The following GPATCH2L variants were observed in gnomAD, a reference collection of about 807,000 sequenced individuals.
GPATCH2L encodes G patch domain-containing protein 2-like.
In GPATCH2L, 31 loss-of-function variants were observed where a neutral mutation model predicts 57.4. The observed-to-expected ratio is 0.54, with a 90% confidence interval of 0.41 to 0.73. GPATCH2L has a LOEUF of 0.73. Ranked by LOEUF, GPATCH2L falls within the 30% of genes least tolerant of loss-of-function variation. The pLI is 0.00. For missense variants in GPATCH2L, 481 were observed against 599.9 expected (o/e 0.80, Z 2.07); for synonymous variants, 199 against 210.7 (o/e 0.94, Z 0.48).
Position 76,206,999 on chromosome 14 carries a change from G to C in GPATCH2L, c.*5148G>C, listed in dbSNP as rs1453353876. 6.6e-6 allele frequency: 1 copy of C among 152,128 alleles called. No individual in the cohort carries two copies. Among genetic ancestry groups the C allele is most frequent in the African/African-American group, 2.4e-5 (1 of 41,424 alleles). 9.4% of individuals were successfully genotyped at this position (152,128 alleles called of 1,614,324 possible). A position where few individuals can be genotyped will look rare whatever the true frequency, so the allele number is the denominator to read the frequency against. On this transcript the variant is annotated 3_prime_UTR_variant, in exon 10 of 10. Transcript: ENST00000261530. ...AGGATGCTATCAAGGGCTATGTTTA[G>C]GTGGATGGAAATAACCTTTTGAAAA...
At chr14:76,194,328 A>G (rs1244130496) in intron 8 of GPATCH2L, among the ~76,000 whole-genome samples, 1 of 152,190 alleles carries the variant, frequency 6.6e-6, no homozygotes, top group Non-Finnish European at 1.5e-5. Context: ...GGTGCTTTGG[A>G]TGGAATTTTC....
At chr14:76,176,733 G>T in intron 6 of GPATCH2L, 43 bp downstream of exon 6, 1 of 1,319,914 alleles carries the variant, frequency 7.6e-7, no homozygotes, top group South Asian at 1.2e-5. Context: ...TCTGCTCCTT[G>T]GAGGAGGAGG....
chr14:76,172,957 A>G (rs1428295545), intron 4 of GPATCH2L, among the ~76,000 whole-genome samples: 2 of 152,196 alleles, frequency 1.3e-5, no homozygotes, highest in Non-Finnish European at 2.9e-5. Flanking sequence ...TTTCTAATGG[A>G]CCACTTAAAA....
chr14:76,175,012 A>G (rs1364503829), intron 5 of GPATCH2L: 2 of 152,220 alleles, frequency 1.3e-5, no homozygotes, highest in Non-Finnish European at 2.9e-5. Context: ...TTTACAGACA[A>G]AACGCTGCTT....
Position 76,234,385 on chromosome 14 carries a change from A to G in GPATCH2L, c.*117+4432A>G, listed in dbSNP as rs868255736. 2.0e-5 allele frequency: 3 copies of G among 152,184 alleles called. No homozygotes were observed. The South Asian group carries it at 6.2e-4, about 32-fold the overall frequency. 9.4% of individuals were successfully genotyped at this position (152,184 alleles called of 1,614,324 possible). A position where few individuals can be genotyped will look rare whatever the true frequency, so the allele number is the denominator to read the frequency against. Reference sequence around the variant, plus strand: ...GGGGTCTACAGCTTTGTGTAATCCCATCCCCTTGGCTGTGGCTTGCCTCTA... The same window carrying G: ...GGGGTCTACAGCTTTGTGTAATCCCGTCCCCTTGGCTGTGGCTTGCCTCTA... On this transcript the variant is annotated intron_variant and NMD_transcript_variant, in intron 2 of 3. Transcript: ENST00000556372.
At position 76,202,725 on chromosome 14, in the gene GPATCH2L, A is replaced by G. The variant is rs2040330509; in HGVS notation, c.*874A>G. On this transcript the variant is annotated 3_prime_UTR_variant, in exon 10 of 10. Transcript: ENST00000261530. ...AACCTGCAGCAGAAATTCATACTCTATTATAATAATGGCTTCTTGGGGCCA... is the reference window on the plus strand; with the variant it reads ...AACCTGCAGCAGAAATTCATACTCTGTTATAATAATGGCTTCTTGGGGCCA... 1 of 152,648 alleles carries G rather than the reference A, an allele frequency of 6.6e-6. No individual in the cohort carries two copies. Among genetic ancestry groups the G allele is most frequent in the Admixed American group, 6.5e-5 (1 of 15,284 alleles). 9.5% of individuals were successfully genotyped at this position (152,648 alleles called of 1,614,324 possible). A position where few individuals can be genotyped will look rare whatever the true frequency, so the allele number is the denominator to read the frequency against.
intron 1 of GPATCH2L, among the ~76,000 whole-genome samples, chr14:76,219,570 T>A (rs1380363557): frequency 6.6e-6 from 1 of 152,150 alleles, no homozygotes; most frequent in Non-Finnish European, 1.5e-5. Context: ...TATCTATACA[T>A]GTGAAATAAC....
chr14:76,198,098 T>C, intron 9 of GPATCH2L, among the ~76,000 whole-genome samples: 1 of 5,632 alleles, frequency 1.8e-4, no homozygotes, highest in African/African-American at 2.2e-4. Context: ...AGACTGTAAA[T>C]GACCATAGGT....
At chr14:76,226,704 G>A (rs1384122189) in intron 1 of GPATCH2L, among the ~76,000 whole-genome samples, 3 of 152,208 alleles carry the variant, frequency 2.0e-5, no homozygotes, top group Non-Finnish European at 4.4e-5. Flanking sequence ...TCCGCTGTGT[G>A]AGGATGCAGC....
intron 3 of GPATCH2L, among the ~76,000 whole-genome samples, chr14:76,171,515 G>A (rs528016303): frequency 2.6e-4 from 39 of 152,014 alleles, no homozygotes; most frequent in African/African-American, 8.7e-4. Context: ...GAGGGGAGGC[G>A]GAGGTTACAG....
At chr14:76,152,519 T>C in intron 1 of GPATCH2L, 1 of 380,352 alleles carries the variant, frequency 2.6e-6, no homozygotes, top group Middle Eastern at 3.8e-4. Context: ...TCTCTCTTCT[T>C]ACTTGCTGTC....
Position 76,203,494 on chromosome 14 carries a change from G to A in GPATCH2L, c.*1643G>A, listed in dbSNP as rs1281868917. 1 of 152,612 alleles carries A rather than the reference G, an allele frequency of 6.6e-6. No individual in the cohort carries two copies. The highest frequency in any genetic ancestry group is 6.5e-5 in the Admixed American group (1 of 15,286). The allele number at this position is 152,612 out of a possible 1,614,324, so 9.5% of individuals were successfully genotyped here. ...TCATGCAGTAGTGTGGGAGAGTGCT[G>A]AAGCCGGCCCAGCATGCCTCTTAGT... On this transcript the variant is annotated 3_prime_UTR_variant, in exon 10 of 10. Transcript: ENST00000261530.
chr14:76,193,145 A>G (rs1183908443), intron 8 of GPATCH2L, among the ~76,000 whole-genome samples: 2 of 152,204 alleles, frequency 1.3e-5, no homozygotes, highest in Non-Finnish European at 2.9e-5. Flanking sequence ...ACTTATTCTC[A>G]GTTTGCTAAA....
intron 2 of GPATCH2L, among the ~76,000 whole-genome samples, chr14:76,162,245 A>G (rs554222052): frequency 9.9e-5 from 15 of 152,240 alleles, no homozygotes; most frequent in African/African-American, 3.6e-4. Context: ...GGCAGAGCTC[A>G]TTTCCTCATA....
At chr14:76,227,298 C>T (rs566297751) in intron 1 of GPATCH2L, among the ~76,000 whole-genome samples, 1 of 152,216 alleles carries the variant, frequency 6.6e-6, no homozygotes, top group South Asian at 2.1e-4. Flanking sequence ...TACACGATAT[C>T]ACTGGTGTGG....
intron 8 of GPATCH2L, among the ~76,000 whole-genome samples, chr14:76,182,666 A>G (rs1486893618): frequency 6.6e-6 from 1 of 151,978 alleles, no homozygotes; most frequent in Non-Finnish European, 1.5e-5. Context: ...CCTTTCCTTC[A>G]GTAGCATGAT....
chr14:76,167,576 C>T (rs1448109038), intron 3 of GPATCH2L, among the ~76,000 whole-genome samples: 1 of 152,112 alleles, frequency 6.6e-6, no homozygotes, highest in East Asian at 1.9e-4. Flanking sequence ...GCATCCAAGT[C>T]CTGATTTTTG....
chr14:76,210,387 A>G lies in GPATCH2L; in HGVS notation c.*8536A>G, dbSNP rs1038726614. On this transcript the variant is annotated 3_prime_UTR_variant, in exon 10 of 10. Coordinates refer to ENST00000261530, the MANE Select transcript of GPATCH2L (RefSeq NM_017926.4). ...AATACCTCTGCTGCCTCTTTTTACAAACTGAACTGTTGGAGGGCATGTACA... is the reference window on the plus strand; with the variant it reads ...AATACCTCTGCTGCCTCTTTTTACAGACTGAACTGTTGGAGGGCATGTACA... 57 of 152,202 alleles carry G rather than the reference A, an allele frequency of 3.7e-4. No individual in the cohort carries two copies. Among genetic ancestry groups the G allele is most frequent in the African/African-American group, 1.2e-3 (50 of 41,534 alleles). 9.4% of individuals were successfully genotyped at this position (152,202 alleles called of 1,614,324 possible).
intron 2 of GPATCH2L, chr14:76,234,530 C>T (rs1207565027): frequency 6.6e-6 from 1 of 152,292 alleles, no homozygotes; most frequent in Non-Finnish European, 1.5e-5. Flanking sequence ...AAGGAACAAG[C>T]TTCCATGAAA....
Sources: allele counts gnomAD v4.1 joint callset (sites outside exome capture counted in the v4.1 genomes callset), GRCh38; gene constraint gnomAD v4.1.1; transcripts MANE v1.5; gene names NCBI Gene and HGNC (gene_info 2026-07-23, HGNC 2026-07-21).